WWOX: variants seen among roughly 807,000 people sequenced by gnomAD.
The protein encoded by WWOX is WW domain containing oxidoreductase, also known as WW domain-containing oxidoreductase.
In WWOX, 69 loss-of-function variants were observed where a neutral mutation model predicts 46.2. The observed-to-expected ratio is 1.49, with a 90% CI of 1.23 to 1.82. The LOEUF is 1.82. Ranked by LOEUF, WWOX falls within the 40% of genes most tolerant of loss-of-function variation. The probability of loss-of-function intolerance (pLI) is 0.00; values close to 1 mark genes in which losing one functional copy is unlikely to be tolerated. For synonymous variants in WWOX, 359 were observed against 202.6 expected (o/e 1.77, Z -6.56); for missense variants, 919 against 542.6 (o/e 1.69, Z -6.89).
intron 8 of WWOX, among the ~76,000 whole-genome samples, chr16:78,908,349 G>C (rs1036827537): frequency 1.3e-5 from 2 of 152,074 alleles, no homozygotes; most frequent in African/African-American, 4.8e-5. Context: ...AGACCATCCT[G>C]GCCAAGGTGG....
intron 8 of WWOX, among the ~76,000 whole-genome samples, chr16:78,628,558 C>T (rs766316373): frequency 2.6e-5 from 4 of 152,038 alleles, no homozygotes; most frequent in Non-Finnish European, 5.9e-5. Context: ...TGTATGCCTC[C>T]CCATGCAAGG....
intron 8 of WWOX, among the ~76,000 whole-genome samples, chr16:79,189,449 G>A (rs2051086524): frequency 6.8e-6 from 1 of 147,888 alleles, no homozygotes; most frequent in Non-Finnish European, 1.5e-5. Context: ...GTGTGTGTGT[G>A]TGTGTGTGTG....
chr16:78,847,170 T>G (rs2052321527), intron 8 of WWOX, among the ~76,000 whole-genome samples: 1 of 152,214 alleles, frequency 6.6e-6, no homozygotes, highest in African/African-American at 2.4e-5. Flanking sequence ...TTCGTTTTAT[T>G]ATAGAATCAT....
intron 8 of WWOX, among the ~76,000 whole-genome samples, chr16:78,933,523 G>A (rs1483569794): frequency 6.6e-6 from 1 of 152,220 alleles, no homozygotes; most frequent in Non-Finnish European, 1.5e-5. Flanking sequence ...GTTAGGATAC[G>A]TCGGAGGAGC....
chr16:78,200,246 C>G (rs542524534), intron 5 of WWOX, among the ~76,000 whole-genome samples: 1 of 151,810 alleles, frequency 6.6e-6, no homozygotes, highest in Non-Finnish European at 1.5e-5. Flanking sequence ...ATTCCTCGCC[C>G]GACTTCTGAT....
chr16:78,410,388 G>A (rs2082651736), intron 6 of WWOX, among the ~76,000 whole-genome samples: 3 of 152,142 alleles, frequency 2.0e-5, no homozygotes, highest in South Asian at 4.2e-4. Context: ...CAGTGGCTGT[G>A]GGGGTTAGGA....
intron 5 of WWOX, among the ~76,000 whole-genome samples, chr16:78,239,652 A>C (rs547701848): frequency 2.5e-4 from 38 of 152,210 alleles, no homozygotes; most frequent in African/African-American, 7.5e-4. Context: ...CTCCTGTCTC[A>C]GTCTCCTGAG....
At chr16:78,164,403 A>G in intron 5 of WWOX, 114 bp downstream of exon 5, 1 of 924,462 alleles carries the variant, frequency 1.1e-6, no homozygotes, top group Non-Finnish European at 1.7e-6. Context: ...TCATGTCTTT[A>G]TTTTTAAAGT....
chr16:79,180,649 CTCT>C (rs1482340523), intron 8 of WWOX, among the ~76,000 whole-genome samples: 4 of 147,744 alleles, frequency 2.7e-5, no homozygotes, highest in Admixed American at 1.3e-4. Context: ...CTTTCTTTTT[CTCT>C]TCTTCTTTCT....
At chr16:78,266,436 C>A (rs1258061571) in intron 5 of WWOX, among the ~76,000 whole-genome samples, 2 of 152,120 alleles carry the variant, frequency 1.3e-5, no homozygotes, top group African/African-American at 4.8e-5. Flanking sequence ...GCCTAAAATA[C>A]TCTCTGCTCC....
chr16:78,878,872 A>G (rs958502137), intron 8 of WWOX, among the ~76,000 whole-genome samples: 2 of 147,056 alleles, frequency 1.4e-5, no homozygotes, highest in African/African-American at 5.0e-5. Flanking sequence ...CCTGGGCAAG[A>G]TAGCAAAATA....
chr16:78,390,001 C>G (rs117224772), intron 6 of WWOX, among the ~76,000 whole-genome samples: 1 of 152,188 alleles, frequency 6.6e-6, no homozygotes, highest in Admixed American at 6.5e-5. Flanking sequence ...TCCACCTTGG[C>G]CTCCCAAACT....
intron 8 of WWOX, among the ~76,000 whole-genome samples, chr16:79,092,857 C>T (rs1037446390): frequency 5.3e-5 from 8 of 152,116 alleles, no homozygotes; most frequent in African/African-American, 1.9e-4. Context: ...GCCCTCATAA[C>T]CCCCCAGCTC....
chr16:78,805,723 C>G (rs996314709), intron 8 of WWOX, among the ~76,000 whole-genome samples: 1 of 152,316 alleles, frequency 6.6e-6, no homozygotes, highest in African/African-American at 2.4e-5. Flanking sequence ...GTCACTGTCA[C>G]TCTTTGCCAA....
At chr16:78,763,221 C>A (rs898816450) in intron 8 of WWOX, among the ~76,000 whole-genome samples, 2 of 152,306 alleles carry the variant, frequency 1.3e-5, no homozygotes, top group Admixed American at 6.5e-5. Flanking sequence ...TATTACAAAG[C>A]GATACTTTTC....
At chr16:78,931,092 A>T (rs570765252) in intron 8 of WWOX, among the ~76,000 whole-genome samples, 1 of 152,344 alleles carries the variant, frequency 6.6e-6, no homozygotes, top group East Asian at 1.9e-4. Flanking sequence ...ATGGTAAATA[A>T]GAATTTAATA....
intron 8 of WWOX, among the ~76,000 whole-genome samples, chr16:79,189,914 C>T (rs1368035440): frequency 7.7e-6 from 1 of 129,122 alleles, no homozygotes; most frequent in African/African-American, 3.0e-5. Context: ...TTTTAGGTGA[C>T]AGCTGGTATG....
At chr16:79,201,627 A>C (rs1246361079) in intron 8 of WWOX, among the ~76,000 whole-genome samples, 2 of 152,302 alleles carry the variant, frequency 1.3e-5, no homozygotes, top group Admixed American at 1.3e-4. Context: ...CTGTTTTCCA[A>C]CCATTAAAAA....
At chr16:79,035,322 A>T (rs541719794) in intron 8 of WWOX, among the ~76,000 whole-genome samples, 1 of 152,270 alleles carries the variant, frequency 6.6e-6, no homozygotes, top group African/African-American at 2.4e-5. Flanking sequence ...ATGGGAGGCA[A>T]ATCCAGGGGA....
Sources: allele counts gnomAD v4.1 joint callset (sites outside exome capture counted in the v4.1 genomes callset), GRCh38; gene constraint gnomAD v4.1.1; transcripts MANE v1.5; gene names NCBI Gene and HGNC (gene_info 2026-07-23, HGNC 2026-07-21).